PAX7: variants seen among roughly 807,000 people sequenced by gnomAD.
The protein encoded by PAX7 is paired box protein Pax-7.
A neutral mutation model predicts 50.7 loss-of-function variants in PAX7; 18 were observed. The ratio of observed to expected loss-of-function variants is 0.36; its 90% CI spans 0.25 to 0.53. The LOEUF is 0.53. Among genes scored for constraint, PAX7 ranks in the 20% least tolerant of loss-of-function variants. PAX7 has a pLI of 0.93. For missense variants in PAX7, 644 were observed against 702.9 expected (o/e 0.92, Z 0.95); for synonymous variants, 310 against 290.4 (o/e 1.07, Z -0.69).
chr1:18,631,776 C>A, intron 1 of PAX7, 88 bp downstream of exon 1: 2 of 1,096,800 alleles, frequency 1.8e-6, no homozygotes, highest in Non-Finnish European at 2.7e-6. Context: ...GGGACGGTGG[C>A]GGCGCCGGCG....
At chr1:18,705,093 G>C (rs561680826) in intron 7 of PAX7, among the ~76,000 whole-genome samples, 1 of 152,206 alleles carries the variant, frequency 6.6e-6, no homozygotes, top group Non-Finnish European at 1.5e-5. Flanking sequence ...TTACTTGGCT[G>C]ACCTTGTCAG....
chr1:18,745,184 C>G lies in PAX7; in HGVS notation c.*255C>G, dbSNP rs1931380031. The G allele has an allele frequency of 3.9e-6, 2 of 519,108 alleles. No homozygotes were observed. The highest frequency in any genetic ancestry group is 3.8e-5 in the African/African-American group (2 of 52,482). The allele number at this position is 519,108 out of a possible 1,614,324, so 32.2% of individuals were successfully genotyped here. ...GTTTCTGGTCAGCCTGAGGTCCTCC[C>G]CTGTCAAATCCCATGGTGGCCTCTG... is the stretch of plus-strand genomic sequence containing the variant. On this transcript the variant is annotated 3_prime_UTR_variant, in exon 9 of 9. Transcript: ENST00000420770.
chr1:18,672,306 T>C (rs1557521270), intron 4 of PAX7, among the ~76,000 whole-genome samples: 1 of 152,228 alleles, frequency 6.6e-6, no homozygotes, highest in Non-Finnish European at 1.5e-5. Flanking sequence ...GCTTAGCCTC[T>C]GAGACCACCA....
At chr1:18,670,758 G>T (rs74762304) in intron 4 of PAX7, among the ~76,000 whole-genome samples, 1 of 152,178 alleles carries the variant, frequency 6.6e-6, no homozygotes, top group Non-Finnish European at 1.5e-5. Flanking sequence ...GCCCGGGCCC[G>T]TGCGAGTCCC....
At chr1:18,698,634 C>T (rs1214628235) in intron 5 of PAX7, among the ~76,000 whole-genome samples, 3 of 152,346 alleles carry the variant, frequency 2.0e-5, no homozygotes, top group South Asian at 2.1e-4. Flanking sequence ...CCTGGAAGCT[C>T]GGAGGCAAGG....
At chr1:18,650,661 G>A (rs1156619389) in intron 4 of PAX7, among the ~76,000 whole-genome samples, 1 of 152,210 alleles carries the variant, frequency 6.6e-6, no homozygotes, top group Non-Finnish European at 1.5e-5. Flanking sequence ...AGAGCCACTG[G>A]TCTCATGCAA....
At chr1:18,658,628 A>G (rs1392580403) in intron 4 of PAX7, among the ~76,000 whole-genome samples, 1 of 152,214 alleles carries the variant, frequency 6.6e-6, no homozygotes, top group Non-Finnish European at 1.5e-5. Context: ...CATGCAGGAC[A>G]GGGGTTAAAG....
rs72650347 is a variant in PAX7, at chr1:18,725,929, A to G, written c.1156-9703A>G. ...ATCTGGTGTTTCCAGATATTTCTAG[A>G]TGTTTCCAGAAATTTGGAGATTGAC... On this transcript the variant is annotated intron_variant, in intron 7 of 8. Coordinates refer to ENST00000420770, the MANE Select transcript of PAX7 (RefSeq NM_001135254.2). Among the ~76,000 whole-genome samples the G allele has an allele frequency of 6.3e-3, 962 of 152,304 alleles. 8 individuals are homozygous for G. The highest frequency in any genetic ancestry group is 0.027 in the Middle Eastern group (8 of 294).
intron 7 of PAX7, among the ~76,000 whole-genome samples, chr1:18,715,667 G>C (rs2089411023): frequency 6.6e-6 from 1 of 152,142 alleles, no homozygotes; most frequent in South Asian, 2.1e-4. Context: ...CCCCAAACAG[G>C]CTCTTCCCTG....
chr1:18,676,349 G>A (rs1412765940), intron 4 of PAX7, among the ~76,000 whole-genome samples: 1 of 151,572 alleles, frequency 6.6e-6, no homozygotes, highest in Non-Finnish European at 1.5e-5. Flanking sequence ...AGAGGGCTGG[G>A]TTGCAGTAGA....
At chr1:18,741,507 T>C (rs1052797058) in intron 8 of PAX7, among the ~76,000 whole-genome samples, 1 of 151,426 alleles carries the variant, frequency 6.6e-6, no homozygotes, top group Non-Finnish European at 1.5e-5. Context: ...CTGAAGGTGA[T>C]GGATGCCCTA....
At chr1:18,740,597 G>A (rs182047776) in intron 8 of PAX7, among the ~76,000 whole-genome samples, 106 of 152,272 alleles carry the variant, frequency 7.0e-4, no homozygotes, top group African/African-American at 2.3e-3. Context: ...GAGGGTGCTC[G>A]CCTTGTTGTT....
intron 4 of PAX7, among the ~76,000 whole-genome samples, chr1:18,640,511 G>A (rs1395003366): frequency 6.6e-6 from 1 of 151,956 alleles, no homozygotes; most frequent in Non-Finnish European, 1.5e-5. Context: ...TTGGAAGCGG[G>A]GGCGAGGGAG....
chr1:18,712,253 A>G (rs1016172251), intron 7 of PAX7, among the ~76,000 whole-genome samples: 2 of 152,094 alleles, frequency 1.3e-5, no homozygotes, highest in African/African-American at 4.8e-5. Flanking sequence ...CCCTGCTCTC[A>G]CATCCAGCTC....
intron 7 of PAX7, among the ~76,000 whole-genome samples, chr1:18,704,743 A>C: frequency 6.6e-6 from 1 of 152,124 alleles, no homozygotes; most frequent in Non-Finnish European, 1.5e-5. Flanking sequence ...ATTCCCAAGA[A>C]TGTTAATTTT....
intron 7 of PAX7, among the ~76,000 whole-genome samples, chr1:18,712,943 G>A (rs544591616): frequency 9.2e-5 from 14 of 152,296 alleles, no homozygotes; most frequent in Non-Finnish European, 1.8e-4. Flanking sequence ...TTAACTGGGC[G>A]TGGTGGTGCA....
intron 7 of PAX7, among the ~76,000 whole-genome samples, chr1:18,733,627 G>A (rs1367139341): frequency 2.0e-5 from 3 of 152,116 alleles, no homozygotes; most frequent in South Asian, 2.1e-4. Context: ...GGGCATGGGG[G>A]AAAGAACCAG....
chr1:18,696,316 C>A (rs1488911779), intron 5 of PAX7, among the ~76,000 whole-genome samples: 1 of 152,114 alleles, frequency 6.6e-6, no homozygotes, highest in Non-Finnish European at 1.5e-5. Flanking sequence ...ATCTGCTGGT[C>A]TTGGCCTCCC....
chr1:18,634,125 T>G lies in PAX7; in HGVS notation c.86-178T>G, dbSNP rs1212560341. Among the ~76,000 whole-genome samples the G allele has an allele frequency of 2.0e-5, 3 of 152,252 alleles. No homozygotes were observed. The highest frequency in any genetic ancestry group is 1.5e-5 in the Non-Finnish European group (1 of 68,040). ...CTCTGCAGGAGATTTCCTAGATTTA[T>G]GACAGTTGTTTCTCAAACTACCTAC... is the stretch of plus-strand genomic sequence containing the variant. On this transcript the variant is annotated intron_variant, in intron 1 of 8. Coordinates refer to ENST00000420770, the MANE Select transcript of PAX7 (RefSeq NM_001135254.2). The surrounding 1 kb of genome is among the most constrained non-coding windows in gnomAD (Gnocchi z 4.0).
Sources: allele counts gnomAD v4.1 joint callset (sites outside exome capture counted in the v4.1 genomes callset), GRCh38; gene constraint gnomAD v4.1.1; non-coding constraint Gnocchi (gnomAD v3.1); transcripts MANE v1.5; gene names NCBI Gene and HGNC (gene_info 2026-07-23, HGNC 2026-07-21).